PLEKHG4B: variants seen among roughly 807,000 people sequenced by gnomAD.
PLEKHG4B encodes pleckstrin homology and RhoGEF domain containing G4B, also known as pleckstrin homology domain-containing family G member 4B.
A neutral mutation model predicts 121.3 loss-of-function variants in PLEKHG4B; 111 were observed. The ratio of observed to expected loss-of-function variants is 0.92; its 90% CI spans 0.78 to 1.07. PLEKHG4B has a LOEUF of 1.07. Among genes scored for constraint, PLEKHG4B ranks in the 50% least tolerant of loss-of-function variants. The pLI is 0.00. For missense variants in PLEKHG4B, 1,831 were observed against 1,757.8 expected (o/e 1.04, Z -0.74); for synonymous variants, 738 against 725.0 (o/e 1.02, Z -0.29).
chr5:107,638 C>T (rs1241111717), intron 1 of PLEKHG4B, among the ~76,000 whole-genome samples: 5 of 152,266 alleles, frequency 3.3e-5, no homozygotes, highest in Non-Finnish European at 5.9e-5. Flanking sequence ...CATCCCCGCC[C>T]TGGGTCTGGC....
At chr5:97,932 C>T (rs751458206) in intron 1 of PLEKHG4B, among the ~76,000 whole-genome samples, 4 of 152,106 alleles carry the variant, frequency 2.6e-5, no homozygotes, top group South Asian at 2.1e-4. Context: ...TCCCCACATC[C>T]GCACCAACAC....
Position 173,971 on chromosome 5 carries a change from G to T in PLEKHG4B, c.4275G>T (p.Glu1425Asp), listed in dbSNP as rs1284529471. The T allele has an allele frequency of 1.2e-6, 2 of 1,613,064 alleles. No individual in the cohort carries two copies. Among genetic ancestry groups the T allele is most frequent in the African/African-American group, 2.7e-5 (2 of 74,790 alleles). The change falls in exon 18 of 20, where the codon GAG becomes GAT. Residue 1425 changes from glutamate to aspartate, a missense_variant. Physicochemically the swap from Glu to Asp is conservative, Grantham distance 45. Transcript: ENST00000637938. ...ENVGDSGLRF[E>D]IWFRRRRKSQ... is the part of the protein sequence containing the mutation. The stretch of plus-strand genomic sequence containing the variant: ...TCGGGGACAGTGGCTTGAGGTTTGA[G>T]ATTTGGTTTCGCAGGCGGCGGAAAT...
chr5:173,341 C>G (rs142203444), intron 17 of PLEKHG4B, among the ~76,000 whole-genome samples: 2 of 152,202 alleles, frequency 1.3e-5, no homozygotes, highest in African/African-American at 4.8e-5. Context: ...CATTTTGGAT[C>G]CTGTGCAGAG....
intron 13 of PLEKHG4B, among the ~76,000 whole-genome samples, chr5:164,396 C>A (rs1354589290): frequency 6.6e-6 from 1 of 152,072 alleles, no homozygotes; most frequent in Non-Finnish European, 1.5e-5. Context: ...GGAGCTCACA[C>A]AGTAATGATG....
At chr5:104,308 C>T (rs776987359) in intron 1 of PLEKHG4B, among the ~76,000 whole-genome samples, 2 of 152,252 alleles carry the variant, frequency 1.3e-5, no homozygotes, top group Non-Finnish European at 2.9e-5. Context: ...TCAGCCCAGT[C>T]CCAGCACTGA....
At chr5:143,645 AC>A (rs2126406238) in intron 5 of PLEKHG4B, 142 bp downstream of exon 5, 2 of 1,031,360 alleles carry the variant, frequency 1.9e-6, no homozygotes, top group African/African-American at 1.6e-5. Context: ...AGCAGTCAGC[AC>A]CCATGTGCTT....
intron 16 of PLEKHG4B, among the ~76,000 whole-genome samples, chr5:172,092 G>C (rs1002609179): frequency 6.6e-6 from 1 of 152,376 alleles, no homozygotes; most frequent in African/African-American, 2.4e-5. Flanking sequence ...GAGCAGGGCC[G>C]TGGAGGGTGG....
chr5:146,571 G>A (rs67094110), intron 6 of PLEKHG4B, among the ~76,000 whole-genome samples: 17,193 of 101,270 alleles, frequency 0.17, 2,059 homozygotes, highest in African/African-American at 0.35. Flanking sequence ...TTTCCCCTAA[G>A]GTCCTCCCTC....
Position 182,442 on chromosome 5 carries a change from G to A in PLEKHG4B, c.*119G>A. The A allele has an allele frequency of 1.1e-6, 1 of 937,266 alleles. No individual in the cohort carries two copies. Among genetic ancestry groups the A allele is most frequent in the Non-Finnish European group, 1.6e-6 (1 of 638,854 alleles). The allele number at this position is 937,266 out of a possible 1,614,324, so 58.1% of individuals were successfully genotyped here. On this transcript the variant is annotated 3_prime_UTR_variant, in exon 20 of 20. Coordinates refer to ENST00000637938, the MANE Select transcript of PLEKHG4B (RefSeq NM_052909.5). ...TCGCGTGGCTGGAACGATCCAGAGGGAATAGCACAGCAGGTGTCCAGGTAT... is the reference window on the plus strand; with the variant it reads ...TCGCGTGGCTGGAACGATCCAGAGGAAATAGCACAGCAGGTGTCCAGGTAT...
Position 156,221 on chromosome 5 carries a change from A to T in PLEKHG4B, c.2348+11A>T. ...CACAGAAGACAGCCGGTGAGCGCTCACAGGGGTCATGCTGGGCCCTGGCCC... is the reference window on the plus strand; with the variant it reads ...CACAGAAGACAGCCGGTGAGCGCTCTCAGGGGTCATGCTGGGCCCTGGCCC... On this transcript the variant is annotated intron_variant, in intron 10 of 19. Coordinates refer to ENST00000637938, the MANE Select transcript of PLEKHG4B (RefSeq NM_052909.5). This position sits in a 1 kb window ranked among gnomAD's most constrained non-coding sequence, Gnocchi z 4.4. The T allele has an allele frequency of 6.7e-7, 1 of 1,489,632 alleles. No homozygotes were observed. Among genetic ancestry groups the T allele is most frequent in the Non-Finnish European group, 9.0e-7 (1 of 1,113,440 alleles). 92.3% of individuals were successfully genotyped at this position (1,489,632 alleles called of 1,614,324 possible).
intron 1 of PLEKHG4B, among the ~76,000 whole-genome samples, chr5:112,127 G>A (rs1439565545): frequency 2.0e-5 from 3 of 152,204 alleles, no homozygotes; most frequent in Non-Finnish European, 2.9e-5. Context: ...GAGTGAGAAC[G>A]AGCCAGTGTG....
intron 1 of PLEKHG4B, among the ~76,000 whole-genome samples, chr5:108,168 C>A (rs1268593310): frequency 6.6e-6 from 1 of 152,160 alleles, no homozygotes; most frequent in Non-Finnish European, 1.5e-5. Context: ...AAGCTTTTCA[C>A]CAGGACCTGG....
At chr5:154,808 C>T in intron 7 of PLEKHG4B, 67 bp from the exon 8 acceptor site, 1 of 1,216,934 alleles carries the variant, frequency 8.2e-7, no homozygotes, top group South Asian at 1.2e-5. Flanking sequence ...AGGAATGAGC[C>T]ATTTACAGTG....
At position 140,459 on chromosome 5, in the gene PLEKHG4B, A is replaced by G. The variant is rs767582311; in HGVS notation, c.1220A>G (p.Asp407Gly). 1.3e-6 allele frequency: 2 copies of G among 1,586,092 alleles called. No individual in the cohort carries two copies. The highest frequency in any genetic ancestry group is 3.6e-5 in the Admixed American group (2 of 56,100). The stretch of plus-strand genomic sequence containing the variant: ...GAGGAAACCTCTGGCCCCCGGGGAG[A>G]CCCCCAACAGACCCCAAGTCTAGAG... ...TQEETSGPRGDPQQTPSLEKE... is the reference protein window; with the variant it reads ...TQEETSGPRGGPQQTPSLEKE... The change falls in exon 3 of 20, where the codon GAC (aspartate) becomes GGC (glycine). Residue 407 changes from aspartate (D) to glycine (G), a missense_variant. Physicochemically the swap from Asp to Gly is moderately conservative, Grantham distance 94 (BLOSUM62 -1). Transcript: ENST00000637938.
intron 18 of PLEKHG4B, among the ~76,000 whole-genome samples, chr5:177,103 C>T (rs6867746): frequency 0.014 from 2,202 of 152,282 alleles, 50 homozygotes; most frequent in African/African-American, 0.046. Flanking sequence ...TACACACTTA[C>T]TTTCTATTTA....
rs1735288802 is a variant in PLEKHG4B, at chr5:143,247, A to C, written c.1678A>C (p.Thr560Pro). 6.2e-7 allele frequency: 1 copy of C among 1,609,992 alleles called. No individual in the cohort carries two copies. Among genetic ancestry groups the C allele is most frequent in the Middle Eastern group, 1.6e-4 (1 of 6,062 alleles). ...SQELLQSGVV[T>P]LPGTRDRHGR... ...GGAGCTGCTGCAGTCCGGGGTCGTC[A>C]CCCTCCCAGGTGAGAGCACATGCCA... The change falls in exon 4 of 20, where the codon ACC (threonine) becomes CCC (proline). Residue 560 changes from threonine (T) to proline (P), a missense_variant. Coordinates refer to ENST00000637938, the MANE Select transcript of PLEKHG4B (RefSeq NM_052909.5).
At chr5:181,315 T>C (rs1736926746) in intron 18 of PLEKHG4B, among the ~76,000 whole-genome samples, 199 bp from the exon 19 acceptor site, 1 of 152,136 alleles carries the variant, frequency 6.6e-6, no homozygotes, top group Non-Finnish European at 1.5e-5. Flanking sequence ...TCGGGCTCCC[T>C]GGGAGAGATC....
rs77282174 is a variant in PLEKHG4B at position 139,610 on chromosome 5, C to T, written c.371C>T (p.Thr124Met). The change falls in exon 3 of 20, where the codon ACG becomes ATG. Residue 124 changes from threonine to methionine, a missense_variant. Physicochemically the swap from Thr to Met is moderately conservative, Grantham distance 81. Coordinates refer to ENST00000637938, the MANE Select transcript of PLEKHG4B (RefSeq NM_052909.5). The surrounding 1 kb of genome is among the most constrained non-coding windows in gnomAD (Gnocchi z 5.0). ...CCCGGGGACTTCTACCTGCAGGTCA[C>T]GTCGGCGGGGAAGCAGTCAGCTAGA... ...LQPGDFYLQV[T>M]SAGKQSARLV... The T allele has an allele frequency of 4.5e-3, 1,791 of 398,912 alleles. 33 individuals carry two copies. Among genetic ancestry groups the T allele is most frequent in the African/African-American group, 0.033 (1,593 of 48,738 alleles). 24.7% of individuals were successfully genotyped at this position (398,912 alleles called of 1,614,324 possible). A position where few individuals can be genotyped will look rare whatever the true frequency, so the allele number is the denominator to read the frequency against.
At position 161,945 on chromosome 5, in the gene PLEKHG4B, G is replaced by A. The variant is rs200291680; in HGVS notation, c.2649+1G>A. 1.2e-6 allele frequency: 2 copies of A among 1,606,724 alleles called. No homozygotes were observed. The highest frequency in any genetic ancestry group is 1.7e-6 in the Non-Finnish European group (2 of 1,176,252). On this transcript the variant is annotated splice_donor_variant, in intron 12 of 19. Coordinates refer to ENST00000637938, the MANE Select transcript of PLEKHG4B (RefSeq NM_052909.5). LOFTEE classifies it high-confidence loss of function. ...CCGCTCGTCCGAGTTGTGCGAGACG[G>A]TAAGAGACCCAGTGGGCGTGCGTCC...
Sources: allele counts gnomAD v4.1 joint callset (sites outside exome capture counted in the v4.1 genomes callset), GRCh38; gene constraint gnomAD v4.1.1; non-coding constraint Gnocchi (gnomAD v3.1); transcripts MANE v1.5; gene names NCBI Gene and HGNC (gene_info 2026-07-23, HGNC 2026-07-21).